Variants in TMIGD3 observed in about 807,000 individuals in gnomAD.
TMIGD3 encodes AD026 protein (AD026).
Under a neutral mutation model 28.1 loss-of-function variants are expected in TMIGD3, and 21 were observed. The ratio of observed to expected loss-of-function variants is 0.75; its 90% CI spans 0.53 to 1.08. TMIGD3 has a LOEUF of 1.08. Ranked by LOEUF, TMIGD3 falls within the 50% of genes least tolerant of loss-of-function variation. TMIGD3 has a pLI of 0.00. For missense variants in TMIGD3, 416 were observed against 435.6 expected (o/e 0.96, Z 0.40); for synonymous variants, 151 against 162.1 (o/e 0.93, Z 0.52).
chr1:111,534,309 A>G (rs1656566981), intron 1 of TMIGD3, among the ~76,000 whole-genome samples: 1 of 152,192 alleles, frequency 6.6e-6, no homozygotes, highest in South Asian at 2.1e-4. Flanking sequence ...CCAAGGTGTA[A>G]GAAACTGTAG....
chr1:111,561,502 T>C (rs1657735023), intron 1 of TMIGD3, among the ~76,000 whole-genome samples: 2 of 152,020 alleles, frequency 1.3e-5, no homozygotes, highest in South Asian at 4.2e-4. Flanking sequence ...AGATTGTGTA[T>C]GTATTGGGGG....
chr1:111,500,599 C>A, intron 1 of TMIGD3: 1 of 1,587,120 alleles, frequency 6.3e-7, no homozygotes, highest in Non-Finnish European at 8.6e-7. Flanking sequence ...GCAGTAATTG[C>A]TAAAGGGTAG....
chr1:111,529,532 TGTCCCTGG>T (rs1479280140), intron 1 of TMIGD3, among the ~76,000 whole-genome samples: 1 of 149,734 alleles, frequency 6.7e-6, no homozygotes, highest in East Asian at 2.0e-4. Context: ...GCAGTGTTTG[TGTCCCTGG>T]GTACTTGAGA....
chr1:111,502,076 T>A (rs1249535953), intron 1 of TMIGD3, among the ~76,000 whole-genome samples: 3 of 129,254 alleles, frequency 2.3e-5, no homozygotes, highest in East Asian at 2.0e-4. Context: ...GATATATATA[T>A]TATAATAAAT....
chr1:111,497,346 G>A (rs893057586), intron 1 of TMIGD3, among the ~76,000 whole-genome samples: 31 of 152,052 alleles, frequency 2.0e-4, no homozygotes, highest in African/African-American at 7.0e-4. Flanking sequence ...TCCTGACCTC[G>A]TGATCCGCCC....
chr1:111,523,101 A>G (rs1656134915), intron 1 of TMIGD3, among the ~76,000 whole-genome samples: 2 of 152,272 alleles, frequency 1.3e-5, no homozygotes, highest in South Asian at 2.1e-4. Context: ...ATCATTAACT[A>G]TGATGTTTGT....
intron 1 of TMIGD3, among the ~76,000 whole-genome samples, chr1:111,562,792 C>G (rs1439061785): frequency 6.6e-6 from 1 of 152,180 alleles, no homozygotes; most frequent in Non-Finnish European, 1.5e-5. Context: ...AGACTAAAAC[C>G]AAGATTAGCT....
At chr1:111,537,696 A>G (rs985076705) in intron 1 of TMIGD3, among the ~76,000 whole-genome samples, 1 of 152,234 alleles carries the variant, frequency 6.6e-6, no homozygotes, top group African/African-American at 2.4e-5. Flanking sequence ...ATTAGAAAGA[A>G]AGTCTGGATT....
intron 1 of TMIGD3, among the ~76,000 whole-genome samples, chr1:111,513,194 AGTTTCT>A (rs1655749173): frequency 1.3e-5 from 2 of 152,298 alleles, no homozygotes; most frequent in South Asian, 4.1e-4. Flanking sequence ...CAATAATCAC[AGTTTCT>A]GTTTCTTGAG....
At chr1:111,504,849 T>C (rs543154284), upstream of TMIGD3, 3 of 985,138 alleles carry the variant, frequency 3.0e-6, no homozygotes, top group African/African-American at 5.2e-5. Context: ...TTGATCCAAG[T>C]CTTACCAAAT....
intron 1 of TMIGD3, among the ~76,000 whole-genome samples, chr1:111,496,099 C>G (rs1654876502): frequency 1.3e-5 from 2 of 152,138 alleles, no homozygotes; most frequent in Admixed American, 6.5e-5. Flanking sequence ...ATACAACAAA[C>G]CTATGAAATT....
intron 1 of TMIGD3, among the ~76,000 whole-genome samples, chr1:111,511,554 G>A (rs1655692040): frequency 1.3e-5 from 2 of 152,192 alleles, no homozygotes; most frequent in Admixed American, 1.3e-4. Flanking sequence ...TTTGGGTCTA[G>A]TTAAAGGAAA....
chr1:111,499,710 C>T (rs1571411179), intron 1 of TMIGD3: 9 of 1,330,266 alleles, frequency 6.8e-6, no homozygotes, highest in African/African-American at 1.5e-5. Context: ...ATCAATAATA[C>T]GTTGTCCCCA....
chr1:111,490,082 C>A (rs1654583288), intron 2 of TMIGD3, among the ~76,000 whole-genome samples: 1 of 152,108 alleles, frequency 6.6e-6, no homozygotes, highest in Non-Finnish European at 1.5e-5. Flanking sequence ...AATGCTGACC[C>A]AGAGAAAGGT....
In TMIGD3 at chr1:111,554,313, C is replaced by T. The variant is rs566345555; in HGVS notation, c.107+9533G>A. On this transcript the variant is annotated intron_variant, in intron 1 of 5. Coordinates refer to the TMIGD3 transcript ENST00000369717. The stretch of plus-strand genomic sequence containing the variant: ...TTACAGAGGAATTTGAAAAACCTTT[C>T]TTAAAAACCTCTCAAACCTACCAGA... 5.9e-5 allele frequency among the ~76,000 whole-genome samples: 9 copies of T among 152,322 alleles called. No individual in the cohort carries two copies. In the South Asian group the frequency reaches 1.9e-3, roughly 32 times the overall value.
At chr1:111,488,599 C>T (rs1557815511) in intron 3 of TMIGD3, 78 bp downstream of exon 3, 5 of 1,363,948 alleles carry the variant, frequency 3.7e-6, no homozygotes, top group Non-Finnish European at 5.1e-6. Flanking sequence ...GGCTCACTGG[C>T]TTCAGAGAGT....
chr1:111,504,515 C>T (rs1398616645), upstream of TMIGD3, among the ~76,000 whole-genome samples: 2 of 152,220 alleles, frequency 1.3e-5, no homozygotes, highest in Non-Finnish European at 2.9e-5. Flanking sequence ...TGGGGACCCA[C>T]TTGGTTCAGG....
chr1:111,540,643 C>G (rs575286443), intron 1 of TMIGD3, among the ~76,000 whole-genome samples: 21 of 152,298 alleles, frequency 1.4e-4, no homozygotes, highest in African/African-American at 4.8e-4. Context: ...AAACTTCATG[C>G]TCCAGCATGA....
At chr1:111,493,556 T>A (rs547028834) in intron 1 of TMIGD3, among the ~76,000 whole-genome samples, 46 of 152,322 alleles carry the variant, frequency 3.0e-4, no homozygotes, top group African/African-American at 1.1e-3. Context: ...CTTTTCTTCA[T>A]AAATTACCTG....
Sources: gnomAD v4.1 joint callset for allele counts (sites outside exome capture counted in the v4.1 genomes callset) on GRCh38, gnomAD v4.1.1 for gene constraint, MANE v1.5 for transcripts, NCBI Gene and HGNC (gene_info 2026-07-23, HGNC 2026-07-21) for gene names.